The following MACROD2 variants were observed in gnomAD, a reference collection of about 807,000 sequenced individuals.
The protein encoded by MACROD2 is mono-ADP ribosylhydrolase 2, also known as ADP-ribose glycohydrolase MACROD2.
A neutral mutation model predicts 70.4 loss-of-function variants in MACROD2; 36 were observed. The ratio of observed to expected loss-of-function variants is 0.51; its 90% CI spans 0.39 to 0.68. The LOEUF is 0.68. Among genes scored for constraint, MACROD2 ranks in the 30% least tolerant of loss-of-function variants. The pLI is 0.00. For missense variants in MACROD2, 496 were observed against 538.4 expected (o/e 0.92, Z 0.78); for synonymous variants, 172 against 178.8 (o/e 0.96, Z 0.30).
At chr20:15,469,469 G>A (rs985228792) in intron 7 of MACROD2, among the ~76,000 whole-genome samples, 3 of 152,174 alleles carry the variant, frequency 2.0e-5, no homozygotes, top group Non-Finnish European at 4.4e-5. Context: ...AAGCTACGGA[G>A]GGCCTGGGAT....
chr20:14,428,226 C>G (rs1235942118), intron 3 of MACROD2, among the ~76,000 whole-genome samples: 1 of 152,018 alleles, frequency 6.6e-6, no homozygotes, highest in Admixed American at 6.6e-5. Flanking sequence ...TTAGACCAGA[C>G]CACACTGTCT....
chr20:15,993,233 AGTGTGTGTGT>A (rs11468964), intron 15 of MACROD2, among the ~76,000 whole-genome samples: 6,214 of 143,964 alleles, frequency 0.043, 249 homozygotes, highest in African/African-American at 0.11. Context: ...GAATTTGAAG[AGTGTGTGTGT>A]GTGTGTGTGT....
At chr20:15,632,901 C>T (rs552933658) in intron 8 of MACROD2, among the ~76,000 whole-genome samples, 10 of 151,276 alleles carry the variant, frequency 6.6e-5, no homozygotes, top group South Asian at 2.1e-4. Flanking sequence ...ATCCTTCTTT[C>T]GTTCCCTTCT....
At chr20:14,856,019 C>T (rs925121216) in intron 5 of MACROD2, among the ~76,000 whole-genome samples, 3 of 152,044 alleles carry the variant, frequency 2.0e-5, no homozygotes, top group Non-Finnish European at 4.4e-5. Context: ...ATAAAGATCC[C>T]ATTGCACTTT....
At chr20:14,106,188 A>T (rs946655209) in intron 3 of MACROD2, among the ~76,000 whole-genome samples, 4 of 152,182 alleles carry the variant, frequency 2.6e-5, no homozygotes, top group Non-Finnish European at 4.4e-5. Context: ...GGTGAGTCCT[A>T]GGCCTGGTAG....
At chr20:15,496,269 G>A (rs533107504) in intron 7 of MACROD2, among the ~76,000 whole-genome samples, 67 of 152,340 alleles carry the variant, frequency 4.4e-4, no homozygotes, top group African/African-American at 1.5e-3. Flanking sequence ...ACTTTGAATC[G>A]GGAATGTTGC....
intron 6 of MACROD2, among the ~76,000 whole-genome samples, chr20:15,390,485 G>A (rs1013045183): frequency 1.3e-5 from 2 of 151,936 alleles, no homozygotes; most frequent in African/African-American, 4.8e-5. Flanking sequence ...ACACTTTGTA[G>A]CCTTCAGAAT....
intron 3 of MACROD2, among the ~76,000 whole-genome samples, chr20:14,147,603 A>T (rs2054958659): frequency 6.6e-6 from 1 of 152,218 alleles, no homozygotes; most frequent in African/African-American, 2.4e-5. Context: ...CCGACAGTTG[A>T]AAGTAGTATG....
At chr20:14,126,182 C>A (rs910724438) in intron 3 of MACROD2, among the ~76,000 whole-genome samples, 2 of 152,182 alleles carry the variant, frequency 1.3e-5, no homozygotes, top group African/African-American at 2.4e-5. Flanking sequence ...ATCAGACCAG[C>A]AGGTTTAGTT....
intron 5 of MACROD2, chr20:14,757,583 C>T: frequency 1.9e-6 from 2 of 1,080,490 alleles, no homozygotes; most frequent in South Asian, 2.7e-5. Context: ...CTAAGAAGAA[C>T]CAGATTGCCA....
chr20:15,396,360 G>A (rs2045860136), intron 6 of MACROD2, among the ~76,000 whole-genome samples: 3 of 152,166 alleles, frequency 2.0e-5, no homozygotes, highest in African/African-American at 7.2e-5. Flanking sequence ...GAAAACCATA[G>A]CTAAGAGGGG....
chr20:15,909,998 T>A lies in MACROD2; in HGVS notation c.776-23278T>A, dbSNP rs138819472. On this transcript the variant is annotated intron_variant, in intron 10 of 17. Coordinates refer to ENST00000684519, the MANE Select transcript of MACROD2 (RefSeq NM_001351661.2). The stretch of plus-strand genomic sequence containing the variant: ...GTGAGAAGATCAAGAGTAGGTACAG[T>A]CAAGGAAATAAGAACTCTGGATTCC... Among the ~76,000 whole-genome samples, 3 of 152,252 alleles carry A rather than the reference T, an allele frequency of 2.0e-5. No homozygotes were observed. The East Asian group carries it at 5.8e-4, about 29-fold the overall frequency.
intron 2 of MACROD2, among the ~76,000 whole-genome samples, chr20:14,069,588 C>T (rs768555903): frequency 2.7e-5 from 4 of 150,240 alleles, no homozygotes; most frequent in Non-Finnish European, 5.9e-5. Context: ...AAAAAACAGC[C>T]AGTATGAACC....
intron 4 of MACROD2, among the ~76,000 whole-genome samples, chr20:14,573,630 TC>T (rs1980369732): frequency 2.0e-5 from 3 of 152,250 alleles, no homozygotes; most frequent in South Asian, 4.2e-4. Context: ...ATTCAGGTGT[TC>T]CTTCTAGGAT....
chr20:15,885,880 A>G, intron 10 of MACROD2, 69 bp downstream of exon 10: 1 of 1,398,214 alleles, frequency 7.2e-7, no homozygotes, highest in Non-Finnish European at 9.5e-7. Flanking sequence ...TACACTTCAT[A>G]TTTTTTCAAC....
intron 4 of MACROD2, among the ~76,000 whole-genome samples, chr20:14,525,636 A>G (rs535437370): frequency 6.6e-6 from 1 of 152,300 alleles, no homozygotes; most frequent in East Asian, 1.9e-4. Context: ...ATATTTTACC[A>G]TGTGTTACCA....
intron 4 of MACROD2, among the ~76,000 whole-genome samples, chr20:14,531,441 A>G (rs1039054093): frequency 6.6e-6 from 1 of 152,144 alleles, no homozygotes; most frequent in African/African-American, 2.4e-5. Context: ...GCCTGGAGTG[A>G]CCAGAAGCTG....
chr20:14,422,219 C>T (rs1157153099), intron 3 of MACROD2, among the ~76,000 whole-genome samples: 3 of 151,952 alleles, frequency 2.0e-5, no homozygotes, highest in Non-Finnish European at 2.9e-5. Flanking sequence ...GTATAGCAAC[C>T]CCAACTATCT....
intron 5 of MACROD2, among the ~76,000 whole-genome samples, chr20:15,018,732 G>A (rs550540739): frequency 3.3e-5 from 5 of 152,076 alleles, no homozygotes; most frequent in African/African-American, 7.2e-5. Flanking sequence ...TGATTAGATG[G>A]TGCACACCAG....
Sources: allele counts gnomAD v4.1 joint callset (sites outside exome capture counted in the v4.1 genomes callset), GRCh38; gene constraint gnomAD v4.1.1; transcripts MANE v1.5; gene names NCBI Gene and HGNC (gene_info 2026-07-23, HGNC 2026-07-21).